The following CTNND2 variants were observed in gnomAD, a reference collection of about 807,000 sequenced individuals.
CTNND2 encodes the protein catenin delta 2, also known as catenin delta-2.
A neutral mutation model predicts 144.4 loss-of-function variants in CTNND2; 22 were observed. The observed-to-expected ratio is 0.15, with a 90% CI of 0.11 to 0.22. CTNND2 has a LOEUF of 0.22. CTNND2 is among the 10% of genes least tolerant of loss of function. The pLI is 1.00. For missense variants in CTNND2, 1,353 were observed against 1,618.8 expected (o/e 0.84, Z 2.82); for synonymous variants, 751 against 695.6 (o/e 1.08, Z -1.25).
intron 20 of CTNND2, among the ~76,000 whole-genome samples, chr5:10,983,467 T>C (rs1034775311): frequency 1.4e-4 from 22 of 152,168 alleles, no homozygotes; most frequent in African/African-American, 5.1e-4. Flanking sequence ...AGGTCTAAGT[T>C]CACTCCACCC....
intron 9 of CTNND2, among the ~76,000 whole-genome samples, chr5:11,300,165 A>T (rs1183342905): frequency 6.6e-6 from 1 of 152,066 alleles, no homozygotes; most frequent in African/African-American, 2.4e-5. Flanking sequence ...GATCCCTTCC[A>T]TGGGGAACGG....
intron 1 of CTNND2, among the ~76,000 whole-genome samples, chr5:11,878,356 C>CAAGACAAAA (rs1735713910): frequency 1.3e-5 from 2 of 152,112 alleles, no homozygotes; most frequent in Admixed American, 1.3e-4. Context: ...CAAAAGTTTG[C>CAAGACAAAA]TGGCTTGTCT....
At chr5:11,727,333 G>C (rs534545909) in intron 2 of CTNND2, among the ~76,000 whole-genome samples, 1 of 151,916 alleles carries the variant, frequency 6.6e-6, no homozygotes, top group Non-Finnish European at 1.5e-5. Context: ...CATCCTGTAC[G>C]TATGAAACTC....
At chr5:11,371,087 ACTG>A (rs1031418176) in intron 7 of CTNND2, among the ~76,000 whole-genome samples, 5 of 152,158 alleles carry the variant, frequency 3.3e-5, no homozygotes, top group African/African-American at 1.2e-4. Context: ...GCAAATCTAC[ACTG>A]CTGTTGTTCC....
intron 3 of CTNND2, among the ~76,000 whole-genome samples, chr5:11,429,048 C>G (rs765277939): frequency 1.1e-4 from 16 of 152,106 alleles, no homozygotes; most frequent in Admixed American, 9.2e-4. Context: ...ATAGCATATA[C>G]CTTGATTTAA....
intron 2 of CTNND2, among the ~76,000 whole-genome samples, chr5:11,620,342 G>A (rs1016566548): frequency 6.6e-6 from 1 of 152,026 alleles, no homozygotes; most frequent in African/African-American, 2.4e-5. Flanking sequence ...CCTCTACAGG[G>A]CTGTCACATT....
chr5:11,642,874 C>T (rs769913179), intron 2 of CTNND2, among the ~76,000 whole-genome samples: 2 of 152,084 alleles, frequency 1.3e-5, no homozygotes, highest in African/African-American at 2.4e-5. Context: ...GTTCTAATTG[C>T]GTGTAATATA....
intron 18 of CTNND2, among the ~76,000 whole-genome samples, chr5:10,993,869 CTATT>C (rs1448679482): frequency 6.6e-6 from 1 of 151,822 alleles, no homozygotes; most frequent in Non-Finnish European, 1.5e-5. Context: ...ATTAATTCAT[CTATT>C]TATGTTTTCA....
At chr5:11,539,716 G>C (rs1260372370) in intron 3 of CTNND2, among the ~76,000 whole-genome samples, 2 of 152,186 alleles carry the variant, frequency 1.3e-5, no homozygotes, top group Non-Finnish European at 2.9e-5. Flanking sequence ...CCACATGCTT[G>C]TTCCTCCACC....
intron 2 of CTNND2, among the ~76,000 whole-genome samples, chr5:11,655,610 C>T (rs1452665339): frequency 1.3e-5 from 2 of 152,028 alleles, no homozygotes; most frequent in Non-Finnish European, 2.9e-5. Context: ...AGGAAGAAGT[C>T]CATACATTGT....
chr5:11,528,635 C>G (rs903781200), intron 3 of CTNND2, among the ~76,000 whole-genome samples: 2 of 152,214 alleles, frequency 1.3e-5, no homozygotes, highest in Admixed American at 1.3e-4. Flanking sequence ...CAGCTTCACA[C>G]TGGTGCCAAG....
At chr5:11,292,833 C>T (rs1258811175) in intron 9 of CTNND2, among the ~76,000 whole-genome samples, 1 of 152,144 alleles carries the variant, frequency 6.6e-6, no homozygotes, top group Non-Finnish European at 1.5e-5. Flanking sequence ...CTGCCATAAG[C>T]CAGCAGAGGC....
intron 8 of CTNND2, among the ~76,000 whole-genome samples, chr5:11,354,550 C>T (rs1467476694): frequency 6.6e-6 from 1 of 152,154 alleles, no homozygotes; most frequent in African/African-American, 2.4e-5. Flanking sequence ...TTTGTCTATA[C>T]ACTTGCAACA....
chr5:11,216,398 T>C (rs918308661), intron 10 of CTNND2, among the ~76,000 whole-genome samples: 10 of 152,346 alleles, frequency 6.6e-5, no homozygotes, highest in Admixed American at 2.6e-4. Flanking sequence ...AAAAAGTTCC[T>C]TTCAAAGCCG....
intron 12 of CTNND2, among the ~76,000 whole-genome samples, chr5:11,148,380 C>CTG (rs2149747598): frequency 6.6e-6 from 1 of 152,202 alleles, no homozygotes; most frequent in Admixed American, 6.5e-5. Flanking sequence ...GAGGAAATGC[C>CTG]TGGGAGGTGG....
intron 2 of CTNND2, among the ~76,000 whole-genome samples, chr5:11,632,318 C>T (rs1684333122): frequency 6.6e-6 from 1 of 152,124 alleles, no homozygotes; most frequent in Admixed American, 6.5e-5. Flanking sequence ...TAGCTAAAAC[C>T]AGTCAACCTG....
chr5:11,398,547 T>C (rs1443174131), intron 5 of CTNND2, among the ~76,000 whole-genome samples: 1 of 152,052 alleles, frequency 6.6e-6, no homozygotes, highest in Non-Finnish European at 1.5e-5. Context: ...AATATGCCAA[T>C]TAACTAGTAC....
intron 16 of CTNND2, among the ~76,000 whole-genome samples, chr5:11,065,021 C>T (rs765564643): frequency 6.6e-6 from 1 of 152,334 alleles, no homozygotes; most frequent in Non-Finnish European, 1.5e-5. Flanking sequence ...TAGTTATTGT[C>T]TAAGCTGCAG....
At chr5:11,063,574 T>G (rs901572573) in intron 16 of CTNND2, among the ~76,000 whole-genome samples, 1 of 151,628 alleles carries the variant, frequency 6.6e-6, no homozygotes, top group Non-Finnish European at 1.5e-5. Flanking sequence ...TCGGGGGAGG[T>G]AGAAAGCTTA....
Sources: allele counts gnomAD v4.1 joint callset (sites outside exome capture counted in the v4.1 genomes callset), GRCh38; gene constraint gnomAD v4.1.1; transcripts MANE v1.5; gene names NCBI Gene and HGNC (gene_info 2026-07-23, HGNC 2026-07-21).